SEMA5A: variants seen among roughly 807,000 people sequenced by gnomAD.
The protein encoded by SEMA5A is semaphorin-5A.
A neutral mutation model predicts 135.5 loss-of-function variants in SEMA5A; 55 were observed. That is an observed-to-expected ratio of 0.41 (90% CI 0.33 to 0.51). SEMA5A has a LOEUF of 0.51. Ranked by LOEUF, SEMA5A falls within the 20% of genes least tolerant of loss-of-function variation. The probability of loss-of-function intolerance (pLI) is 0.37; values close to 1 mark genes in which losing one functional copy is unlikely to be tolerated. For missense variants in SEMA5A, 1,290 were observed against 1,419.9 expected (o/e 0.91, Z 1.47); for synonymous variants, 580 against 546.5 (o/e 1.06, Z -0.85).
At chr5:9,203,510 G>A (rs930653900) in intron 8 of SEMA5A, among the ~76,000 whole-genome samples, 1 of 152,186 alleles carries the variant, frequency 6.6e-6, no homozygotes, top group Admixed American at 6.5e-5. Flanking sequence ...GGTCTGAAGT[G>A]CAGAAGTTGA....
At chr5:9,191,103 A>G (rs926402578) in intron 10 of SEMA5A, among the ~76,000 whole-genome samples, 1 of 152,234 alleles carries the variant, frequency 6.6e-6, no homozygotes, top group Admixed American at 6.5e-5. Flanking sequence ...TGGCAAATTT[A>G]TAAGAAGAAC....
intron 1 of SEMA5A, among the ~76,000 whole-genome samples, chr5:9,529,094 T>C (rs1737300005): frequency 1.3e-5 from 2 of 152,250 alleles, no homozygotes; most frequent in Non-Finnish European, 2.9e-5. Flanking sequence ...CAGATGGTTC[T>C]GGTTATGACC....
intron 3 of SEMA5A, among the ~76,000 whole-genome samples, chr5:9,346,784 T>C (rs548199107): frequency 1.8e-4 from 28 of 152,274 alleles, no homozygotes; most frequent in African/African-American, 6.7e-4. Context: ...GCTGAGTAAA[T>C]GAGGCATCCC....
chr5:9,431,538 C>T lies in SEMA5A; in HGVS notation c.-78+6218G>A, dbSNP rs556980762. 5.9e-5 allele frequency among the ~76,000 whole-genome samples: 9 copies of T among 152,186 alleles called. No individual in the cohort carries two copies. The South Asian group carries it at 1.9e-3, about 32-fold the overall frequency. On this transcript the variant is annotated intron_variant, in intron 2 of 22. Transcript: ENST00000382496. ...AAAAGACACAAACACACATGAAACC[C>T]CCACTAGCTTTCCTAGATAAAGCAT...
chr5:9,252,198 G>C (rs768361523), intron 5 of SEMA5A, among the ~76,000 whole-genome samples: 2 of 152,152 alleles, frequency 1.3e-5, no homozygotes, highest in African/African-American at 2.4e-5. Context: ...AGCGGGGAAT[G>C]AAATGGTTTG....
intron 1 of SEMA5A, among the ~76,000 whole-genome samples, chr5:9,448,704 CT>C (rs1330381619): frequency 6.6e-6 from 1 of 152,220 alleles, no homozygotes; most frequent in East Asian, 1.9e-4. Context: ...ATTGGCTTGA[CT>C]TCATCACTGA....
intron 20 of SEMA5A, among the ~76,000 whole-genome samples, chr5:9,050,868 G>T (rs1023838992): frequency 6.6e-6 from 1 of 152,172 alleles, no homozygotes; most frequent in African/African-American, 2.4e-5. Context: ...CAGAGGGAGG[G>T]CCCATTCACC....
intron 1 of SEMA5A, among the ~76,000 whole-genome samples, chr5:9,453,992 G>A (rs1193445864): frequency 6.6e-6 from 1 of 152,198 alleles, no homozygotes; most frequent in Non-Finnish European, 1.5e-5. Flanking sequence ...TGAAAGCAAA[G>A]TACTAGCCTT....
chr5:9,398,201 C>A (rs764962057), intron 2 of SEMA5A, among the ~76,000 whole-genome samples: 1 of 152,090 alleles, frequency 6.6e-6, no homozygotes, highest in South Asian at 2.1e-4. Context: ...GAAAAACACA[C>A]GTCAAGGAAA....
At chr5:9,293,393 C>T in intron 5 of SEMA5A, among the ~76,000 whole-genome samples, 1 of 151,684 alleles carries the variant, frequency 6.6e-6, no homozygotes, top group East Asian at 1.9e-4. Context: ...ATCTCCTCAC[C>T]CAGGGCCATA....
chr5:9,540,614 A>G (rs1226123104), intron 1 of SEMA5A, among the ~76,000 whole-genome samples: 1 of 152,144 alleles, frequency 6.6e-6, no homozygotes, highest in East Asian at 1.9e-4. Flanking sequence ...AGAAAAAAAG[A>G]AAAGAAAATC....
chr5:9,087,058 C>T lies in SEMA5A; in HGVS notation c.2074-20412G>A, dbSNP rs551034039. 7.2e-5 allele frequency among the ~76,000 whole-genome samples: 11 copies of T among 152,236 alleles called. 1 individual carries two copies. The South Asian group carries it at 1.0e-3, about 14-fold the overall frequency. ...TCTGTGTGACAATCTGAAAGATAGA[C>T]GACTAAGCTGATAGAGAAAGTATCA... On this transcript the variant is annotated intron_variant, in intron 16 of 22. Transcript: ENST00000382496.
At position 9,461,495 on chromosome 5, in the gene SEMA5A, G is replaced by T. The variant is rs550618998; in HGVS notation, c.-174-23643C>A. On this transcript the variant is annotated intron_variant, in intron 1 of 22. Transcript: ENST00000382496. The stretch of plus-strand genomic sequence containing the variant: ...GAAACTGAAAAATCAATTATTGGCT[G>T]CCAAGTACTGGTTGACCTGACAATA... 2.6e-5 allele frequency among the ~76,000 whole-genome samples: 4 copies of T among 152,320 alleles called. No individual in the cohort carries two copies. In the South Asian group the frequency reaches 6.2e-4, roughly 24 times the overall value.
chr5:9,538,065 C>G (rs1185944302), intron 1 of SEMA5A, among the ~76,000 whole-genome samples: 2 of 152,162 alleles, frequency 1.3e-5, no homozygotes, highest in Admixed American at 6.5e-5. Flanking sequence ...ATACACTAAA[C>G]AGATGGAAGG....
intron 1 of SEMA5A, among the ~76,000 whole-genome samples, chr5:9,445,780 T>A (rs1758412460): frequency 6.6e-6 from 1 of 152,104 alleles, no homozygotes; most frequent in Non-Finnish European, 1.5e-5. Flanking sequence ...TCATGGACAA[T>A]AAGTCCCCAT....
chr5:9,304,891 T>C (rs1349124484), intron 5 of SEMA5A, among the ~76,000 whole-genome samples: 1 of 152,180 alleles, frequency 6.6e-6, no homozygotes, highest in Non-Finnish European at 1.5e-5. Flanking sequence ...TAATTGTCTC[T>C]TGTTTTTCTA....
At chr5:9,282,607 A>C (rs3777304) in intron 5 of SEMA5A, among the ~76,000 whole-genome samples, 4,648 of 152,294 alleles carry the variant, frequency 0.031, 185 homozygotes, top group African/African-American at 0.082. Flanking sequence ...AAAATAAGAA[A>C]AAAACAGTAT....
At chr5:9,203,998 G>A (rs1389055914) in intron 8 of SEMA5A, among the ~76,000 whole-genome samples, 1 of 152,090 alleles carries the variant, frequency 6.6e-6, no homozygotes. Context: ...TGTTAAGTCT[G>A]TGTTTACTGT....
At chr5:9,520,655 A>G (rs1014627783) in intron 1 of SEMA5A, among the ~76,000 whole-genome samples, 1 of 152,222 alleles carries the variant, frequency 6.6e-6, no homozygotes, top group African/African-American at 2.4e-5. Context: ...AGTCCTGTCC[A>G]TAGCACTCAT....
Sources: gnomAD v4.1 joint callset for allele counts (sites outside exome capture counted in the v4.1 genomes callset) on GRCh38, gnomAD v4.1.1 for gene constraint, MANE v1.5 for transcripts, NCBI Gene and HGNC (gene_info 2026-07-23, HGNC 2026-07-21) for gene names.